STXBP5: variants seen among roughly 807,000 people sequenced by gnomAD.
STXBP5 encodes syntaxin-binding protein 5.
Under a neutral mutation model 152.4 loss-of-function variants are expected in STXBP5, and 50 were observed. That is an observed-to-expected ratio of 0.33 (90% confidence interval 0.26 to 0.42). The LOEUF is 0.42. Ranked by LOEUF, STXBP5 falls within the 10% of genes least tolerant of loss-of-function variation. STXBP5 has a pLI of 1.00. For synonymous variants in STXBP5, 492 were observed against 494.7 expected (o/e 0.99, Z 0.07); for missense variants, 1,167 against 1,388.6 (o/e 0.84, Z 2.54).
chr6:147,207,830 A>G (rs749156944), intron 2 of STXBP5, among the ~76,000 whole-genome samples: 4 of 152,150 alleles, frequency 2.6e-5, no homozygotes, highest in African/African-American at 4.8e-5. Flanking sequence ...TTTGGTAAAT[A>G]ACCTCTTTTC....
In STXBP5 at chr6:147,314,329, A is replaced by C. The variant is rs374823173; in HGVS notation, c.1359A>C (p.Thr453=). The part of the protein sequence containing the change: ...GAQSYPEIII[T]GHADGSVKFW... ...AAAGTTACCCAGAAATAATTATTAC[A>C]GGGTAAGTAAAAGTCTGTCTTCACC... Residue 453 remains threonine (T), a splice_region_variant and synonymous_variant, in exon 13 of 28, where the codon ACA becomes ACC. Transcript: ENST00000321680. 2.4e-5 allele frequency: 39 copies of C among 1,610,668 alleles called. No individual in the cohort carries two copies. In the African/African-American group the frequency reaches 4.7e-4, roughly 19 times the overall value.
At chr6:147,226,748 C>T (rs1029264571) in intron 2 of STXBP5, among the ~76,000 whole-genome samples, 8 of 152,228 alleles carry the variant, frequency 5.3e-5, no homozygotes, top group Non-Finnish European at 1.0e-4. Context: ...GAAGACCTAA[C>T]TGTTATATTG....
chr6:147,216,105 T>C (rs1424895475), intron 2 of STXBP5, among the ~76,000 whole-genome samples: 1 of 152,154 alleles, frequency 6.6e-6, no homozygotes, highest in Non-Finnish European at 1.5e-5. Context: ...TTTTTAAAAA[T>C]TCATGGCTGG....
chr6:147,267,282 CAATT>C (rs1779941274), intron 7 of STXBP5, 115 bp downstream of exon 7: 3 of 742,808 alleles, frequency 4.0e-6, no homozygotes, highest in South Asian at 2.0e-5. Flanking sequence ...CAGTAATACA[CAATT>C]TATTTTTTAC....
At chr6:147,291,833 G>A (rs1781291346) in intron 9 of STXBP5, among the ~76,000 whole-genome samples, 1 of 150,578 alleles carries the variant, frequency 6.6e-6, no homozygotes, top group African/African-American at 2.5e-5. Flanking sequence ...AGTTCCCCAG[G>A]AAAAGTATAT....
chr6:147,362,859 G>T (rs1582998229), intron 23 of STXBP5, among the ~76,000 whole-genome samples: 1 of 152,064 alleles, frequency 6.6e-6, no homozygotes, highest in African/African-American at 2.4e-5. Context: ...TTCAGATGGG[G>T]CATGTGCTTG....
In STXBP5 at chr6:147,353,259, A is replaced by T. The variant is rs79356046; in HGVS notation, c.2255-64A>T. 4.9e-3 allele frequency: 4,968 copies of T among 1,022,436 alleles called. 153 individuals are homozygous for T. In the African/African-American group the frequency reaches 0.072, roughly 15 times the overall value. The allele number at this position is 1,022,436 out of a possible 1,614,324, so 63.3% of individuals were successfully genotyped here. ...AAAAGTATTCACTTCTATCTTGAAA[A>T]TCAGTTGATATTAGTATGAATCAAA... On this transcript the variant is annotated intron_variant, in intron 21 of 27. Coordinates refer to ENST00000321680, the MANE Select transcript of STXBP5 (RefSeq NM_001127715.4).
At chr6:147,363,854 G>A (rs1164025444) in intron 24 of STXBP5, 147 bp from the exon 25 acceptor site, 2 of 1,379,176 alleles carry the variant, frequency 1.5e-6, no homozygotes, top group Admixed American at 2.4e-5. Context: ...ACAAGTATAT[G>A]AGGAGTATAA....
chr6:147,365,735 G>T (rs1162251764), intron 25 of STXBP5, among the ~76,000 whole-genome samples: 1 of 152,082 alleles, frequency 6.6e-6, no homozygotes, highest in Non-Finnish European at 1.5e-5. Context: ...ATAATGCCTT[G>T]GTAAAATCTG....
chr6:147,257,567 C>T (rs1200584672), intron 4 of STXBP5, among the ~76,000 whole-genome samples: 1 of 151,908 alleles, frequency 6.6e-6, no homozygotes, highest in African/African-American at 2.4e-5. Context: ...CATTAATGAT[C>T]TATATCACCA....
chr6:147,357,094 G>A (rs775771224), intron 22 of STXBP5, among the ~76,000 whole-genome samples: 3 of 152,244 alleles, frequency 2.0e-5, no homozygotes, highest in Middle Eastern at 3.4e-3. Context: ...TCACTTTAGA[G>A]TGAGGCATGA....
At position 147,389,242 on chromosome 6, in the gene STXBP5, C is replaced by T. The variant is rs906340051; in HGVS notation, c.*4487C>T. 6 of 151,378 alleles carry T rather than the reference C, an allele frequency of 4.0e-5. No homozygotes were observed. The highest frequency in any genetic ancestry group is 1.5e-4 in the African/African-American group (6 of 41,286). The allele number at this position is 151,378 out of a possible 1,614,324, so 9.4% of individuals were successfully genotyped here. A position where few individuals can be genotyped will look rare whatever the true frequency, so the allele number is the denominator to read the frequency against. ...ATATTAATGATTTTACTACTGCCTC[C>T]GAAGTTTTAAAAAAGGTTCTGTAGA... On this transcript the variant is annotated 3_prime_UTR_variant, in exon 28 of 28. Transcript: ENST00000321680.
At position 147,353,377 on chromosome 6, in the gene STXBP5, A is replaced by G; in HGVS notation, c.2305+4A>G. 1 of 1,557,862 alleles carries G rather than the reference A, an allele frequency of 6.4e-7. No homozygotes were observed. Among genetic ancestry groups the G allele is most frequent in the Non-Finnish European group, 8.7e-7 (1 of 1,150,072 alleles). ...ACTGACCTAAAGCCTGATTTAGGTAAGTAAAATAAATATTCAAAATAATTT... is the reference window on the plus strand; with the variant it reads ...ACTGACCTAAAGCCTGATTTAGGTAGGTAAAATAAATATTCAAAATAATTT... On this transcript the variant is annotated splice_donor_region_variant and intron_variant, in intron 22 of 27. Transcript: ENST00000321680.
intron 21 of STXBP5, among the ~76,000 whole-genome samples, chr6:147,342,866 C>G (rs61078293): frequency 0.018 from 2,731 of 152,102 alleles, 68 homozygotes; most frequent in African/African-American, 0.061. Flanking sequence ...ACATGATTAA[C>G]CTTTTCTAAA....
intron 3 of STXBP5, among the ~76,000 whole-genome samples, chr6:147,236,639 A>G (rs995088384): frequency 1.3e-5 from 2 of 152,176 alleles, no homozygotes; most frequent in Non-Finnish European, 2.9e-5. Flanking sequence ...AGATGCATGT[A>G]AGGACTACCA....
intron 2 of STXBP5, among the ~76,000 whole-genome samples, chr6:147,222,151 G>C (rs1425275369): frequency 1.3e-5 from 2 of 151,996 alleles, no homozygotes; most frequent in Non-Finnish European, 2.9e-5. Context: ...TTGCCCATCT[G>C]TTGTTTGGTA....
intron 18 of STXBP5, among the ~76,000 whole-genome samples, chr6:147,333,158 A>G (rs974240198): frequency 1.3e-5 from 2 of 152,224 alleles, no homozygotes; most frequent in African/African-American, 4.8e-5. Context: ...AATTACATCT[A>G]TCATCTTAGA....
intron 21 of STXBP5, among the ~76,000 whole-genome samples, chr6:147,348,255 C>G (rs1030119300): frequency 2.0e-5 from 3 of 152,106 alleles, no homozygotes; most frequent in Non-Finnish European, 4.4e-5. Context: ...CTGCCTGCCA[C>G]TTACAAGCAT....
intron 2 of STXBP5, among the ~76,000 whole-genome samples, chr6:147,208,139 GT>G (rs199571383): frequency 6.6e-6 from 1 of 151,400 alleles, no homozygotes; most frequent in African/African-American, 2.4e-5. Context: ...ATACTCTAAA[GT>G]TTTTTTTTAG....
Sources: gnomAD v4.1 joint callset for allele counts (sites outside exome capture counted in the v4.1 genomes callset) on GRCh38, gnomAD v4.1.1 for gene constraint, MANE v1.5 for transcripts, NCBI Gene and HGNC (gene_info 2026-07-23, HGNC 2026-07-21) for gene names.